Variants in ATXN1 observed in about 807,000 individuals in gnomAD.
The protein encoded by ATXN1 is ataxin 1, also known as ataxin-1.
ATXN1 carries 8 observed loss-of-function variants against 56.4 expected under a neutral mutation model. The observed-to-expected ratio is 0.14, with a 90% CI of 0.08 to 0.26. The LOEUF (loss-of-function observed/expected upper bound fraction) is 0.26, where lower values mean the gene tolerates loss of function less well. Among genes scored for constraint, ATXN1 ranks in the 10% least tolerant of loss-of-function variants. The pLI, the probability that ATXN1 is intolerant of heterozygous loss-of-function variation, is 1.00. For missense variants in ATXN1, 987 were observed against 1,106.5 expected (o/e 0.89, Z 1.53); for synonymous variants, 514 against 494.6 (o/e 1.04, Z -0.52).
chr6:16,569,528 G>GAAAAAA (rs60416047), intron 4 of ATXN1, among the ~76,000 whole-genome samples: 1 of 96,390 alleles, frequency 1.0e-5, no homozygotes, highest in Non-Finnish European at 2.0e-5. Context: ...CTCCGTCTCA[G>GAAAAAA]AAAAAAAAAA....
chr6:16,359,305 C>T (rs539800334), intron 6 of ATXN1, among the ~76,000 whole-genome samples: 1 of 152,264 alleles, frequency 6.6e-6, no homozygotes, highest in East Asian at 1.9e-4. Context: ...CCTCTTCCGT[C>T]CACCCATGGC....
chr6:16,761,239 G>A (rs1033744249), intron 1 of ATXN1, 59 bp downstream of exon 1: 2 of 421,156 alleles, frequency 4.7e-6, no homozygotes, highest in Non-Finnish European at 4.8e-6. Flanking sequence ...TAAATAAGGG[G>A]AGAAGGGAAT....
At chr6:16,609,287 A>G (rs967011277) in intron 3 of ATXN1, among the ~76,000 whole-genome samples, 14 of 152,164 alleles carry the variant, frequency 9.2e-5, no homozygotes, top group African/African-American at 3.4e-4. Context: ...CTAAGAAGAG[A>G]ACCAAGCATA....
At chr6:16,493,061 C>T (rs555048761) in intron 5 of ATXN1, among the ~76,000 whole-genome samples, 21 of 152,254 alleles carry the variant, frequency 1.4e-4, no homozygotes, top group Admixed American at 1.4e-3. Context: ...CAGCAGCCTG[C>T]TCATTGGTCT....
At chr6:16,473,872 T>A (rs920102650) in intron 6 of ATXN1, among the ~76,000 whole-genome samples, 1 of 152,332 alleles carries the variant, frequency 6.6e-6, no homozygotes, top group Middle Eastern at 3.4e-3. Context: ...TCCTATGCTA[T>A]CCCTGGGTCA....
chr6:16,383,210 T>C (rs1758169780), intron 6 of ATXN1, among the ~76,000 whole-genome samples: 1 of 152,192 alleles, frequency 6.6e-6, no homozygotes, highest in Non-Finnish European at 1.5e-5. Context: ...CCTCCTTAGA[T>C]GGTGAGGAAA....
At chr6:16,559,371 CA>C (rs377598266) in intron 4 of ATXN1, among the ~76,000 whole-genome samples, 1,819 of 112,876 alleles carry the variant, frequency 0.016, 23 homozygotes, top group African/African-American at 0.044. Context: ...TGGAAACAAC[CA>C]AAAAAAAAAA....
chr6:16,308,199 G>A (rs962338392), intron 7 of ATXN1, among the ~76,000 whole-genome samples: 1 of 151,224 alleles, frequency 6.6e-6, no homozygotes, highest in African/African-American at 2.4e-5. Context: ...GGTGGCAGGC[G>A]CCTATAATCC....
intron 6 of ATXN1, among the ~76,000 whole-genome samples, chr6:16,457,789 G>C (rs1304540733): frequency 6.6e-6 from 1 of 152,084 alleles, no homozygotes; most frequent in Non-Finnish European, 1.5e-5. Flanking sequence ...TCCTATTAAT[G>C]ATGAGCCTCC....
In ATXN1 at chr6:16,447,196, AT is replaced by A. The variant is rs1213940298; in HGVS notation, c.-161+38775del. 2.6e-5 allele frequency among the ~76,000 whole-genome samples: 4 copies of A among 152,256 alleles called. No homozygotes were observed. The East Asian group carries it at 5.8e-4, about 22-fold the overall frequency. ...AGAAACAGACATCAATAGCAAAGGTATTTTTTAATTGTATTTTTTAAAAATT... is the reference window on the plus strand; with the variant it reads ...AGAAACAGACATCAATAGCAAAGGTATTTTTAATTGTATTTTTTAAAAATT... On this transcript the variant is annotated intron_variant, in intron 6 of 7. Transcript: ENST00000436367.
chr6:16,588,120 C>G (rs556331550), intron 3 of ATXN1, among the ~76,000 whole-genome samples: 1 of 152,172 alleles, frequency 6.6e-6, no homozygotes, highest in African/African-American at 2.4e-5. Flanking sequence ...ACGTCTTCCT[C>G]TCCCAAATTA....
At position 16,306,379 on chromosome 6, in the gene ATXN1, G is replaced by T; in HGVS notation, c.2398C>A (p.Pro800Thr). The part of the protein sequence containing the change: ...PLTLPKPSLI[P>T]QEVKICIEGR... ...TCAATGCAAATCTTAACCTCCTGAG[G>T]AATTAGAGAAGGCTTAGGAAGAGTC... Residue 800 changes from proline to threonine, a missense_variant, in exon 8 of 8, where the codon CCT (proline) becomes ACT (threonine). This residue lies in a region of ATXN1 where 196 missense variants were observed against 196.7 expected (regional missense o/e 1.00). Coordinates refer to ENST00000436367, the MANE Select transcript of ATXN1 (RefSeq NM_001128164.2). The surrounding 1 kb of genome is among the most constrained non-coding windows in gnomAD (Gnocchi z 5.2). The T allele has an allele frequency of 6.2e-7, 1 of 1,613,790 alleles. No individual in the cohort carries two copies. Among genetic ancestry groups the T allele is most frequent in the Non-Finnish European group, 8.5e-7 (1 of 1,179,940 alleles).
chr6:16,624,573 T>A (rs1397949145), intron 3 of ATXN1, among the ~76,000 whole-genome samples: 2 of 152,226 alleles, frequency 1.3e-5, no homozygotes, highest in East Asian at 3.9e-4. Context: ...AACAGAAGGG[T>A]TATTCCTTCA....
chr6:16,431,888 G>A (rs776275296), intron 6 of ATXN1, among the ~76,000 whole-genome samples: 4 of 152,136 alleles, frequency 2.6e-5, no homozygotes, highest in Non-Finnish European at 5.9e-5. Flanking sequence ...TAACAGGATG[G>A]GGGCAAAAGC....
At chr6:16,481,797 C>G (rs1424688873) in intron 6 of ATXN1, among the ~76,000 whole-genome samples, 1 of 152,100 alleles carries the variant, frequency 6.6e-6, no homozygotes, top group Non-Finnish European at 1.5e-5. Context: ...ACTTCAGGCC[C>G]ATCCCTACTT....
At chr6:16,438,328 A>G (rs1335066117) in intron 6 of ATXN1, among the ~76,000 whole-genome samples, 1 of 152,238 alleles carries the variant, frequency 6.6e-6, no homozygotes, top group Non-Finnish European at 1.5e-5. Flanking sequence ...AAGCAAAGAA[A>G]GATAACAATG....
chr6:16,389,110 G>A (rs1758297214), intron 6 of ATXN1, among the ~76,000 whole-genome samples: 1 of 152,132 alleles, frequency 6.6e-6, no homozygotes, highest in South Asian at 2.1e-4. Context: ...GCCAAGGCGG[G>A]CAGATCACGA....
chr6:16,448,488 C>T (rs1759679013), intron 6 of ATXN1, among the ~76,000 whole-genome samples: 1 of 152,106 alleles, frequency 6.6e-6, no homozygotes, highest in Non-Finnish European at 1.5e-5. Flanking sequence ...TTTGGGGGTA[C>T]AAGTGATATG....
intron 6 of ATXN1, among the ~76,000 whole-genome samples, chr6:16,413,884 T>C (rs1318773023): frequency 2.0e-5 from 3 of 152,158 alleles, no homozygotes; most frequent in Non-Finnish European, 4.4e-5. Flanking sequence ...GGTGGTTATT[T>C]GGGGAAACAA....
Sources: gnomAD v4.1 joint callset for allele counts (sites outside exome capture counted in the v4.1 genomes callset) on GRCh38, gnomAD v4.1.1 for gene constraint, gnomAD v4.1.1 regional missense constraint, Gnocchi (gnomAD v3.1) non-coding constraint, MANE v1.5 for transcripts, NCBI Gene and HGNC (gene_info 2026-07-23, HGNC 2026-07-21) for gene names.